CACNA1I: variants seen among roughly 807,000 people sequenced by gnomAD.
The protein encoded by CACNA1I is calcium voltage-gated channel subunit alpha1 I, also known as voltage-dependent T-type calcium channel subunit alpha-1I.
CACNA1I carries 74 observed loss-of-function variants against 201.6 expected under a neutral mutation model. The ratio of observed to expected loss-of-function variants is 0.37; its 90% CI spans 0.30 to 0.45. The LOEUF (loss-of-function observed/expected upper bound fraction) is 0.45. Among genes scored for constraint, CACNA1I ranks in the 20% least tolerant of loss-of-function variants. CACNA1I has a pLI of 1.00. For synonymous variants in CACNA1I, 1,431 were observed against 1,345.2 expected, an observed-to-expected ratio of 1.06 and a Z score of -1.40; for missense variants, 2,346 against 3,138.1, an observed-to-expected ratio of 0.75 and a Z score of 6.03.
chr22:39,657,916 AAGGTCAGCGCTGTG>A (rs1449256342), intron 10 of CACNA1I, among the ~76,000 whole-genome samples: 7 of 152,246 alleles, frequency 4.6e-5, no homozygotes, highest in Non-Finnish European at 8.8e-5. Flanking sequence ...AAATTTGTGG[AAGGTCAGCGCTGTG>A]GGGTCCCCCA....
chr22:39,628,754 C>T (rs1462757228), intron 4 of CACNA1I, among the ~76,000 whole-genome samples: 1 of 152,128 alleles, frequency 6.6e-6, no homozygotes, highest in Non-Finnish European at 1.5e-5. Context: ...CCTCTCCCAG[C>T]CGCCCAGCCC....
At chr22:39,673,837 G>A in intron 28 of CACNA1I, 126 bp from the exon 29 acceptor site, 1 of 801,084 alleles carries the variant, frequency 1.2e-6, no homozygotes, top group Non-Finnish European at 2.0e-6. Context: ...GTATCTGAGA[G>A]CCAGACTCTG....
rs148109489 is a variant in CACNA1I, at chr22:39,596,548, A to G, written c.237-1603A>G. Among the ~76,000 whole-genome samples the G allele has an allele frequency of 4.1e-4, 61 of 148,348 alleles. 2 individuals carry two copies. The East Asian group carries it at 0.012, about 29-fold the overall frequency. On this transcript the variant is annotated intron_variant, in intron 1 of 36. Transcript: ENST00000402142. The stretch of plus-strand genomic sequence containing the variant: ...GGGGCAGGGCAGAGGGAGATGGGGT[A>G]TTAGGGCCCAGGGAGATGGGGTGTC...
At chr22:39,652,238 T>A (rs957664313) in intron 10 of CACNA1I, among the ~76,000 whole-genome samples, 3 of 152,152 alleles carry the variant, frequency 2.0e-5, no homozygotes, top group African/African-American at 7.2e-5. Flanking sequence ...TCAGGTGATC[T>A]GCCTGTCTCA....
At chr22:39,622,992 A>C (rs1018632330) in intron 4 of CACNA1I, among the ~76,000 whole-genome samples, 1 of 152,220 alleles carries the variant, frequency 6.6e-6, no homozygotes. Context: ...AGGGTCGCAC[A>C]CAAGGGATGT....
At position 39,629,726 on chromosome 22, in the gene CACNA1I, A is replaced by G. The variant is rs1044664071; in HGVS notation, c.581-4839A>G. Among the ~76,000 whole-genome samples, 3 of 151,988 alleles carry G rather than the reference A, an allele frequency of 2.0e-5. No homozygotes were observed. The highest frequency in any genetic ancestry group is 7.3e-5 in the African/African-American group (3 of 41,374). ...TTCTGTCCCACGTGAGACCCCCGGG[A>G]GGCAGCGACCACACAGCTGTGGAGC... On this transcript the variant is annotated intron_variant, in intron 4 of 36. Coordinates refer to ENST00000402142, the MANE Select transcript of CACNA1I (RefSeq NM_021096.4). This position sits in a 1 kb window ranked among gnomAD's most constrained non-coding sequence, Gnocchi z 4.8.
chr22:39,640,449 A>G (rs1247111917), intron 5 of CACNA1I, among the ~76,000 whole-genome samples: 2 of 152,168 alleles, frequency 1.3e-5, no homozygotes, highest in Non-Finnish European at 2.9e-5. Flanking sequence ...GATCACTTAC[A>G]TGGAAGTGGG....
intron 3 of CACNA1I, among the ~76,000 whole-genome samples, chr22:39,604,147 T>G (rs954397940): frequency 6.6e-6 from 1 of 152,234 alleles, no homozygotes; most frequent in Non-Finnish European, 1.5e-5. Flanking sequence ...TCATTTGTTC[T>G]GCTGGCTCCA....
At chr22:39,656,299 A>G in intron 10 of CACNA1I, 1 of 456,094 alleles carries the variant, frequency 2.2e-6, no homozygotes, top group Admixed American at 2.4e-5. Flanking sequence ...TTGCTGATGG[A>G]GGGGCTCCTG....
chr22:39,636,154 C>T (rs1456486791), intron 5 of CACNA1I, among the ~76,000 whole-genome samples: 1 of 152,210 alleles, frequency 6.6e-6, no homozygotes, highest in East Asian at 1.9e-4. Flanking sequence ...GAGCGAGAAC[C>T]AGTTCTTCCT....
chr22:39,643,675 G>A (rs981319004), intron 7 of CACNA1I, among the ~76,000 whole-genome samples: 1 of 152,238 alleles, frequency 6.6e-6, no homozygotes, highest in African/African-American at 2.4e-5. Flanking sequence ...CCTTGACCTG[G>A]GGCCCCAGAA....
At chr22:39,683,920 T>G (rs967499688) in intron 35 of CACNA1I, among the ~76,000 whole-genome samples, 1 of 152,202 alleles carries the variant, frequency 6.6e-6, no homozygotes, top group Non-Finnish European at 1.5e-5. Context: ...CTGATCCTAG[T>G]GAGCACCTAC....
In CACNA1I at chr22:39,686,228, C is replaced by G; in HGVS notation, c.6495C>G (p.Pro2165=). The G allele has an allele frequency of 8.0e-7, 1 of 1,244,188 alleles. No individual in the cohort carries two copies. Among genetic ancestry groups the G allele is most frequent in the Admixed American group, 4.2e-5 (1 of 24,010 alleles). The allele number at this position is 1,244,188 out of a possible 1,614,324, so 77.1% of individuals were successfully genotyped here. Residue 2165 remains proline, a synonymous_variant, in exon 37 of 37, where the codon CCC becomes CCG. Transcript: ENST00000402142. ...STSSLAAPGR[P]HAAALAHGLA... is the part of the protein sequence containing the mutation. ...GCAGCCTGGCCGCCCCCGGCCGCCC[C>G]CACGCCGCCGCCCTGGCCCACGGCC...
At chr22:39,576,056 T>G (rs530835469) in intron 1 of CACNA1I, among the ~76,000 whole-genome samples, 5 of 152,192 alleles carry the variant, frequency 3.3e-5, no homozygotes, top group African/African-American at 1.2e-4. Flanking sequence ...ATTACAGGGG[T>G]GAGCCAATGT....
At chr22:39,642,676 C>T in intron 6 of CACNA1I, 121 bp from the exon 7 acceptor site, 1 of 672,210 alleles carries the variant, frequency 1.5e-6, no homozygotes, top group Admixed American at 2.2e-5. Flanking sequence ...GTGAGACAGA[C>T]TCGAGGCAGC....
At chr22:39,577,699 G>A (rs983951931) in intron 1 of CACNA1I, among the ~76,000 whole-genome samples, 10 of 152,266 alleles carry the variant, frequency 6.6e-5, no homozygotes, top group East Asian at 1.9e-4. Context: ...GGACGATGGC[G>A]AGAAACGACG....
At chr22:39,632,584 G>A (rs1934094983) in intron 4 of CACNA1I, among the ~76,000 whole-genome samples, 1 of 152,034 alleles carries the variant, frequency 6.6e-6, no homozygotes, top group Admixed American at 6.5e-5. Flanking sequence ...CTGTGTGTGT[G>A]TGGGGGGAGG....
In CACNA1I at chr22:39,649,811, G is replaced by A; in HGVS notation, c.1878G>A (p.Trp626Ter). 6.2e-7 allele frequency: 1 copy of A among 1,611,518 alleles called. No homozygotes were observed. The highest frequency in any genetic ancestry group is 8.5e-7 in the Non-Finnish European group (1 of 1,179,136). Residue 626 changes from tryptophan (W) to a stop codon, truncating the protein, a stop_gained, in exon 10 of 37, where the codon TGG (tryptophan) becomes TGA (stop). Coordinates refer to ENST00000402142, the MANE Select transcript of CACNA1I (RefSeq NM_021096.4). LOFTEE classifies it high-confidence loss of function. This position sits in a 1 kb window ranked among gnomAD's most constrained non-coding sequence, Gnocchi z 7.3. The stretch of plus-strand genomic sequence containing the variant: ...CGGTCTGGCTGTGCGGGGATGTGTG[G>A]CGGGAGACGCGAGCCAAGCTGCGCG... Reference protein sequence around the residue: ...DGAVWLCGDVWRETRAKLRGI... With the variant: ...DGAVWLCGDV
chr22:39,590,925 G>A (rs951445948), intron 1 of CACNA1I, among the ~76,000 whole-genome samples: 1 of 152,014 alleles, frequency 6.6e-6, no homozygotes, highest in Non-Finnish European at 1.5e-5. Context: ...GGCTCACAGC[G>A]ACCTTCAGCT....
Sources: allele counts gnomAD v4.1 joint callset (sites outside exome capture counted in the v4.1 genomes callset), GRCh38; gene constraint gnomAD v4.1.1; non-coding constraint Gnocchi (gnomAD v3.1); transcripts MANE v1.5; gene names NCBI Gene and HGNC (gene_info 2026-07-23, HGNC 2026-07-21).